The following CSRNP3 variants were observed in gnomAD, a reference collection of about 807,000 sequenced individuals.
The protein encoded by CSRNP3 is cysteine/serine-rich nuclear protein 3.
A neutral mutation model predicts 48.0 loss-of-function variants in CSRNP3; 12 were observed. The observed-to-expected ratio is 0.25, with a 90% CI of 0.16 to 0.41. CSRNP3 has a LOEUF of 0.41. Ranked by LOEUF, CSRNP3 falls within the 10% of genes least tolerant of loss-of-function variation. The probability of loss-of-function intolerance (pLI) is 1.00; values close to 1 mark genes in which losing one functional copy is unlikely to be tolerated. For synonymous variants in CSRNP3, 263 were observed against 269.7 expected (o/e 0.98, Z 0.24); for missense variants, 580 against 724.4 (o/e 0.80, Z 2.29).
intron 4 of CSRNP3, among the ~76,000 whole-genome samples, chr2:165,623,856 T>G (rs1481894456): frequency 6.6e-6 from 1 of 152,148 alleles, no homozygotes; most frequent in Middle Eastern, 3.2e-3. Flanking sequence ...TTTTTCTAAC[T>G]CTCTTCCTTT....
chr2:165,574,570 TTTC>T, intron 3 of CSRNP3: 1 of 534,724 alleles, frequency 1.9e-6, no homozygotes, highest in South Asian at 3.1e-5. Flanking sequence ...TTTTTTTAAT[TTTC>T]TTCTTCGTAT....
At chr2:165,471,049 CAG>C (rs1289546848) in intron 1 of CSRNP3, among the ~76,000 whole-genome samples, 1 of 151,500 alleles carries the variant, frequency 6.6e-6, no homozygotes, top group Non-Finnish European at 1.5e-5. Context: ...TTTGAATAAA[CAG>C]ACACAAATAT....
At chr2:165,492,149 A>G (rs1249736640) in intron 1 of CSRNP3, among the ~76,000 whole-genome samples, 1 of 152,070 alleles carries the variant, frequency 6.6e-6, no homozygotes, top group Non-Finnish European at 1.5e-5. Flanking sequence ...GTAACTGCTC[A>G]TCGGAGCCAC....
intron 3 of CSRNP3, among the ~76,000 whole-genome samples, chr2:165,563,027 T>C (rs1414221083): frequency 6.6e-6 from 1 of 152,180 alleles, no homozygotes; most frequent in Non-Finnish European, 1.5e-5. Context: ...ACTGCTGTGC[T>C]ATAGACTGAA....
intron 2 of CSRNP3, among the ~76,000 whole-genome samples, chr2:165,507,272 A>G (rs1471235847): frequency 6.6e-6 from 1 of 152,170 alleles, no homozygotes; most frequent in East Asian, 1.9e-4. Context: ...ATATGCCCAT[A>G]TGAGAAATGA....
Position 165,595,114 on chromosome 2 carries a change from C to G in CSRNP3, c.49C>G (p.Pro17Ala), listed in dbSNP as rs908678127. ...RKFEEVDGSSPCSSVRESDDE... is the reference protein window; with the variant it reads ...RKFEEVDGSSACSSVRESDDE... ...GTTTGAAGAAGTTGACGGCTCCTCACCCTGCTCCTCTGTGAGGGAATCAGA... is the reference window on the plus strand; with the variant it reads ...GTTTGAAGAAGTTGACGGCTCCTCAGCCTGCTCCTCTGTGAGGGAATCAGA... Residue 17 changes from proline (P) to alanine (A), a missense_variant, in exon 4 of 7, where the codon CCC becomes GCC. Transcript: ENST00000651982. The G allele has an allele frequency of 6.2e-7, 1 of 1,614,138 alleles. No individual in the cohort carries two copies. The highest frequency in any genetic ancestry group is 8.5e-7 in the Non-Finnish European group (1 of 1,179,994).
chr2:165,503,279 G>C (rs1684381375), intron 2 of CSRNP3, among the ~76,000 whole-genome samples: 1 of 151,720 alleles, frequency 6.6e-6, no homozygotes, highest in Non-Finnish European at 1.5e-5. Flanking sequence ...GTGAAATTTA[G>C]AGATAATTTT....
intron 3 of CSRNP3, among the ~76,000 whole-genome samples, chr2:165,518,625 G>A (rs1316015828): frequency 6.6e-6 from 1 of 151,968 alleles, no homozygotes; most frequent in African/African-American, 2.4e-5. Context: ...GTAGGTTAAA[G>A]TGGTTTAGTC....
At chr2:165,623,231 TG>T (rs1686371324) in intron 4 of CSRNP3, among the ~76,000 whole-genome samples, 2 of 152,138 alleles carry the variant, frequency 1.3e-5, no homozygotes, top group Non-Finnish European at 2.9e-5. Flanking sequence ...TACCTGTCTA[TG>T]GCCTGTTAAG....
intron 5 of CSRNP3, among the ~76,000 whole-genome samples, chr2:165,664,439 T>C (rs1387110785): frequency 2.6e-5 from 4 of 152,240 alleles, no homozygotes; most frequent in African/African-American, 9.6e-5. Flanking sequence ...CCTGCTGCCA[T>C]GTGACCCGAA....
chr2:165,657,437 TA>T (rs1285847100), intron 4 of CSRNP3, among the ~76,000 whole-genome samples: 8 of 152,186 alleles, frequency 5.3e-5, no homozygotes, highest in African/African-American at 1.9e-4. Context: ...ACATATCCTC[TA>T]AAGATAAGGG....
At chr2:165,632,697 C>A (rs1205493862) in intron 4 of CSRNP3, among the ~76,000 whole-genome samples, 1 of 152,184 alleles carries the variant, frequency 6.6e-6, no homozygotes, top group African/African-American at 2.4e-5. Context: ...TAAAAAGGAA[C>A]TTAAATGAGT....
At chr2:165,552,447 G>A (rs1246531192) in intron 3 of CSRNP3, among the ~76,000 whole-genome samples, 2 of 152,104 alleles carry the variant, frequency 1.3e-5, no homozygotes, top group Non-Finnish European at 2.9e-5. Flanking sequence ...GAAGTTAGGC[G>A]ATTGTCAACT....
At chr2:165,520,783 T>TATATATA (rs1491513009) in intron 3 of CSRNP3, among the ~76,000 whole-genome samples, 1 of 29,692 alleles carries the variant, frequency 3.4e-5, no homozygotes, top group African/African-American at 2.6e-4. Context: ...TATATATATA[T>TATATATA]TATATATATA....
intron 3 of CSRNP3, among the ~76,000 whole-genome samples, chr2:165,588,721 G>T (rs975976636): frequency 6.6e-6 from 1 of 152,146 alleles, no homozygotes; most frequent in Non-Finnish European, 1.5e-5. Flanking sequence ...CTGGGGGGTC[G>T]AGGTGAGAGG....
intron 5 of CSRNP3, among the ~76,000 whole-genome samples, chr2:165,665,504 T>C (rs1687163692): frequency 6.6e-6 from 1 of 152,138 alleles, no homozygotes. Flanking sequence ...CTCGCACCTG[T>C]AATCCCAGCA....
chr2:165,509,403 A>G (rs904117231), intron 2 of CSRNP3, among the ~76,000 whole-genome samples: 3 of 152,136 alleles, frequency 2.0e-5, no homozygotes, highest in African/African-American at 7.2e-5. Context: ...TTGTGTGAAG[A>G]CTGGATTCGA....
intron 2 of CSRNP3, among the ~76,000 whole-genome samples, chr2:165,513,278 T>A (rs1684533233): frequency 6.6e-6 from 1 of 152,204 alleles, no homozygotes; most frequent in African/African-American, 2.4e-5. Context: ...CAATTGCAGA[T>A]GCAATTGAAC....
intron 3 of CSRNP3, among the ~76,000 whole-genome samples, chr2:165,520,516 A>G (rs1684636798): frequency 6.6e-6 from 1 of 152,106 alleles, no homozygotes; most frequent in Non-Finnish European, 1.5e-5. Flanking sequence ...ATGCAAATAA[A>G]CAAAACAAAA....
Sources: allele counts gnomAD v4.1 joint callset (sites outside exome capture counted in the v4.1 genomes callset), GRCh38; gene constraint gnomAD v4.1.1; transcripts MANE v1.5; gene names NCBI Gene and HGNC (gene_info 2026-07-23, HGNC 2026-07-21).